The following FBXO36 variants were observed in gnomAD, a reference collection of about 807,000 sequenced individuals.
FBXO36 encodes F-box protein 36.
A neutral mutation model predicts 17.0 loss-of-function variants in FBXO36; 18 were observed. The observed-to-expected ratio is 1.06, with a 90% CI of 0.73 to 1.57. The LOEUF is 1.57. Ranked by LOEUF, FBXO36 falls within the 40% of genes most tolerant of loss-of-function variation. The pLI is 0.00. For missense variants in FBXO36, 229 were observed against 221.9 expected (o/e 1.03, Z -0.20); for synonymous variants, 83 against 85.3 (o/e 0.97, Z 0.15).
In FBXO36 at chr2:229,927,819, G is replaced by C. The variant is rs191676953; in HGVS notation, c.96+5210G>C. Among the ~76,000 whole-genome samples the C allele has an allele frequency of 3.3e-3, 504 of 151,530 alleles. 3 individuals are homozygous for C. The highest frequency in any genetic ancestry group is 5.1e-3 in the Non-Finnish European group (347 of 67,950). ...TGGCAATTATTTTTGAAGTGCATTA[G>C]AGTTGTGGCACTAAAGACTGAAAAC... is the stretch of plus-strand genomic sequence containing the variant. On this transcript the variant is annotated intron_variant, in intron 1 of 3. Transcript: ENST00000283946.
intron 1 of FBXO36, among the ~76,000 whole-genome samples, chr2:229,967,069 G>A (rs1329908607): frequency 6.6e-6 from 1 of 152,130 alleles, no homozygotes; most frequent in Admixed American, 6.6e-5. Context: ...GTGGTTTGTA[G>A]TTCTCCTTGA....
At chr2:229,933,237 A>C (rs2076948258) in intron 1 of FBXO36, among the ~76,000 whole-genome samples, 1 of 152,070 alleles carries the variant, frequency 6.6e-6, no homozygotes, top group Non-Finnish European at 1.5e-5. Context: ...AAAATACAAA[A>C]ATTAGCCAGG....
intron 1 of FBXO36, among the ~76,000 whole-genome samples, chr2:229,972,779 T>C (rs1413989006): frequency 2.6e-5 from 4 of 151,990 alleles, no homozygotes; most frequent in Non-Finnish European, 4.4e-5. Context: ...TAAAAAATAT[T>C]GTGGCCAGGG....
intron 1 of FBXO36, among the ~76,000 whole-genome samples, chr2:229,941,093 G>C (rs1409074797): frequency 6.6e-6 from 1 of 152,134 alleles, no homozygotes; most frequent in Non-Finnish European, 1.5e-5. Context: ...CTAGCGCAGT[G>C]AATCTACCGA....
chr2:229,933,127 G>A (rs1327509539), intron 1 of FBXO36, among the ~76,000 whole-genome samples: 1 of 152,156 alleles, frequency 6.6e-6, no homozygotes, highest in Admixed American at 6.6e-5. Context: ...GCTGGGCACG[G>A]TGGCTCACAC....
At chr2:229,970,214 A>T (rs2077173814) in intron 1 of FBXO36, among the ~76,000 whole-genome samples, 1 of 152,140 alleles carries the variant, frequency 6.6e-6, no homozygotes, top group Non-Finnish European at 1.5e-5. Context: ...CCTACACACA[A>T]ATGTTTATAA....
At chr2:229,984,297 G>A (rs926856297) in intron 2 of FBXO36, among the ~76,000 whole-genome samples, 1 of 151,712 alleles carries the variant, frequency 6.6e-6, no homozygotes, top group African/African-American at 2.4e-5. Context: ...GCAGTGAGCC[G>A]AGATCATGCC....
Position 229,941,299 on chromosome 2 carries a change from CA to C in FBXO36, c.96+18696del, listed in dbSNP as rs550074431. Among the ~76,000 whole-genome samples, 66 of 151,972 alleles carry C rather than the reference CA, an allele frequency of 4.3e-4. No homozygotes were observed. The South Asian group carries it at 0.014, about 31-fold the overall frequency. On this transcript the variant is annotated intron_variant, in intron 1 of 3. Coordinates refer to ENST00000283946, the MANE Select transcript of FBXO36 (RefSeq NM_174899.5). ...TGAAACCCCGTGTCTACTAAAAATA[CA>C]AAAAATTAGCTGGGTGTGGTGGCAC...
chr2:229,923,847 G>GTTTTTT (rs71045800), intron 1 of FBXO36, among the ~76,000 whole-genome samples: 244 of 77,694 alleles, frequency 3.1e-3, no homozygotes, highest in Middle Eastern at 0.01. Flanking sequence ...TTTTGGTGTT[G>GTTTTTT]TTTTTTTTTT....
At chr2:229,941,106 G>A (rs1326259882) in intron 1 of FBXO36, among the ~76,000 whole-genome samples, 1 of 152,108 alleles carries the variant, frequency 6.6e-6, no homozygotes, top group Non-Finnish European at 1.5e-5. Context: ...TCTACCGACT[G>A]ACCAGCAGCC....
intron 1 of FBXO36, 92 bp downstream of exon 1, chr2:229,922,701 C>G: frequency 7.5e-7 from 1 of 1,335,622 alleles, no homozygotes; most frequent in Non-Finnish European, 1.0e-6. Context: ...CAAGAGCAAC[C>G]GTAGCCCGCC....
intron 1 of FBXO36, among the ~76,000 whole-genome samples, chr2:229,942,308 G>A (rs374253534): frequency 1.3e-5 from 2 of 152,270 alleles, no homozygotes; most frequent in South Asian, 4.1e-4. Flanking sequence ...CTGCCATTCC[G>A]CTGTGTACCA....
At chr2:229,998,145 T>C (rs1254071899) in intron 3 of FBXO36, among the ~76,000 whole-genome samples, 2 of 152,178 alleles carry the variant, frequency 1.3e-5, no homozygotes, top group African/African-American at 4.8e-5. Flanking sequence ...CAACATTTTT[T>C]CCCAATAATG....
chr2:229,939,690 C>G (rs1190205270), intron 1 of FBXO36, among the ~76,000 whole-genome samples: 1 of 152,166 alleles, frequency 6.6e-6, no homozygotes, highest in Admixed American at 6.6e-5. Flanking sequence ...CTCTGCTCCC[C>G]TATTACTTAC....
At chr2:229,966,989 G>A (rs2077156773) in intron 1 of FBXO36, among the ~76,000 whole-genome samples, 1 of 151,794 alleles carries the variant, frequency 6.6e-6, no homozygotes, top group Non-Finnish European at 1.5e-5. Context: ...CCATTTTCAC[G>A]ATATTCTTCC....
chr2:229,965,055 T>C (rs62191706), intron 1 of FBXO36, among the ~76,000 whole-genome samples: 3,011 of 152,290 alleles, frequency 0.02, 39 homozygotes, highest in Non-Finnish European at 0.03. Flanking sequence ...TGAGACACAG[T>C]TTGAAATATG....
chr2:229,994,872 T>C lies in FBXO36; in HGVS notation c.206-1879T>C, dbSNP rs144654977. On this transcript the variant is annotated intron_variant, in intron 2 of 3. Transcript: ENST00000283946. ...GGCTAATGCCTGTAATCCCAGCACT[T>C]TGGGAGGCTGAGGCGGGTGGATCAC... is the stretch of plus-strand genomic sequence containing the variant. Among the ~76,000 whole-genome samples, 959 of 152,166 alleles carry C rather than the reference T, an allele frequency of 6.3e-3. 4 individuals carry two copies. The highest frequency in any genetic ancestry group is 0.034 in the Middle Eastern group (10 of 294).
chr2:229,960,047 G>A (rs2077112384), intron 1 of FBXO36, among the ~76,000 whole-genome samples: 1 of 151,932 alleles, frequency 6.6e-6, no homozygotes, highest in African/African-American at 2.4e-5. Flanking sequence ...TCTTAGTGTG[G>A]GGGTGCTATC....
At chr2:229,937,774 T>TC (rs1491586145) in intron 1 of FBXO36, 6 of 151,086 alleles carry the variant, frequency 4.0e-5, no homozygotes, top group East Asian at 1.9e-4. Context: ...TTTCTCTCTC[T>TC]TTTTTTTTAA....
Sources: allele counts gnomAD v4.1 joint callset (sites outside exome capture counted in the v4.1 genomes callset), GRCh38; gene constraint gnomAD v4.1.1; transcripts MANE v1.5; gene names NCBI Gene and HGNC (gene_info 2026-07-23, HGNC 2026-07-21).